Variants in MMP25 observed in about 807,000 individuals in gnomAD.
MMP25 encodes the protein matrix metallopeptidase 25.
In MMP25, 68 loss-of-function variants were observed where a neutral mutation model predicts 62.1. The ratio of observed to expected loss-of-function variants is 1.10; its 90% CI spans 0.90 to 1.34. The LOEUF (loss-of-function observed/expected upper bound fraction) is 1.34, where lower values mean the gene tolerates loss of function less well. Ranked by LOEUF, MMP25 falls within the 40% of genes most tolerant of loss-of-function variation. The probability of loss-of-function intolerance (pLI) is 0.00; values close to 1 mark genes in which losing one functional copy is unlikely to be tolerated. For synonymous variants in MMP25, 407 were observed against 345.6 expected (o/e 1.18, Z -1.97); for missense variants, 942 against 792.5 (o/e 1.19, Z -2.26).
rs748734163 is a variant in MMP25 at position 3,058,269 on chromosome 16, C to A, written c.1095C>A (p.Ala365=). 2.5e-6 allele frequency: 4 copies of A among 1,610,946 alleles called. No homozygotes were observed. Among genetic ancestry groups the A allele is most frequent in the Non-Finnish European group, 8.5e-7 (1 of 1,179,138 alleles). ...ACCGCTTCTGGGAGGGGCTGCCCGC[C>A]CAGGTGAGGGTGGTGCAGGCCGCCT... ...RLHRFWEGLP[A]QVRVVQAAYA... Residue 365 remains alanine (A), a synonymous_variant, in exon 8 of 10, where the codon GCC becomes GCA. Transcript: ENST00000336577.
intron 4 of MMP25, chr16:3,053,457 G>C (rs531186008): frequency 6.6e-6 from 1 of 152,428 alleles, no homozygotes; most frequent in African/African-American, 2.4e-5. Context: ...AATGCGAGGA[G>C]AACGGCGCCT....
chr16:3,055,904 G>C, intron 4 of MMP25: 1 of 455,694 alleles, frequency 2.2e-6, no homozygotes, highest in Non-Finnish European at 4.4e-6. Context: ...GCCGGGGCTG[G>C]CGTGTGAATC....
Position 3,050,434 on chromosome 16 carries a change from C to G in MMP25, c.549C>G (p.Tyr183Ter). ...CCCGCGCCTTCCACCAGGACAGCTA[C>G]CCCTTCGACGGGTTGGGGGGCACCC... ...DFARAFHQDS[Y>*]PFDGLGGTLA... The change falls in exon 4 of 10, where the codon TAC (tyrosine) becomes TAG (stop). Residue 183 changes from tyrosine (Y) to a stop codon, truncating the protein, a stop_gained. Transcript: ENST00000336577. LOFTEE classifies it high-confidence loss of function. The G allele has an allele frequency of 6.2e-7, 1 of 1,613,994 alleles. No homozygotes were observed. The highest frequency in any genetic ancestry group is 8.5e-7 in the Non-Finnish European group (1 of 1,179,988).
Position 3,046,865 on chromosome 16 carries a change from G to A in MMP25, c.-53G>A. 1.8e-6 allele frequency: 2 copies of A among 1,095,294 alleles called. No homozygotes were observed. The highest frequency in any genetic ancestry group is 2.4e-6 in the Non-Finnish European group (2 of 826,928). The allele number at this position is 1,095,294 out of a possible 1,614,324, so 67.8% of individuals were successfully genotyped here. ...TCTCCTCCCCCAGGTCCCCGGGGCG[G>A]CCCCAGCCAGGCCCCCTTCGAACCC... On this transcript the variant is annotated 5_prime_UTR_variant, in exon 1 of 10. Coordinates refer to ENST00000336577, the MANE Select transcript of MMP25 (RefSeq NM_022468.5).
chr16:3,049,186 C>CT (rs1359419225), intron 2 of MMP25, among the ~76,000 whole-genome samples: 1 of 151,624 alleles, frequency 6.6e-6, no homozygotes, highest in African/African-American at 2.4e-5. Flanking sequence ...CAGAAGACGG[C>CT]TGCGGAGTCC....
In MMP25 at chr16:3,046,799, C is replaced by G; in HGVS notation, c.-119C>G. 1 of 512,872 alleles carries G rather than the reference C, an allele frequency of 1.9e-6. No individual in the cohort carries two copies. Among genetic ancestry groups the G allele is most frequent in the South Asian group, 3.3e-5 (1 of 30,114 alleles). 31.8% of individuals were successfully genotyped at this position (512,872 alleles called of 1,614,324 possible). On this transcript the variant is annotated 5_prime_UTR_variant, in exon 1 of 10. Coordinates refer to ENST00000336577, the MANE Select transcript of MMP25 (RefSeq NM_022468.5). ...TCCCAGCCCTCCGGCCGATCCCTCC[C>G]TACTCGGTGCCGGGTGCCCCCCGCC...
chr16:3,055,538 C>G (rs371240280), intron 4 of MMP25, among the ~76,000 whole-genome samples: 1 of 152,202 alleles, frequency 6.6e-6, no homozygotes, highest in Non-Finnish European at 1.5e-5. Flanking sequence ...CTTGAAGTCT[C>G]TGTGCCTCAG....
intron 2 of MMP25, 29 bp from the exon 3 acceptor site, chr16:3,049,980 C>T: frequency 5.0e-6 from 8 of 1,605,182 alleles, no homozygotes; most frequent in Non-Finnish European, 6.8e-6. Context: ...ATTGTGGACA[C>T]ACCCCCCACC....
In MMP25 at chr16:3,057,049, C is replaced by G. The variant is rs757079699; in HGVS notation, c.678C>G (p.Asp226Glu). 3 of 1,589,826 alleles carry G rather than the reference C, an allele frequency of 1.9e-6. No individual in the cohort carries two copies. In the East Asian group the frequency reaches 6.7e-5, roughly 36 times the overall value. Reference sequence around the variant, plus strand: ...CTCCTGCAGACGGCGAGGGGACCGACCTGTTTGCCGTGGCTGTCCATGAGT... The same window carrying G: ...CTCCTGCAGACGGCGAGGGGACCGAGCTGTTTGCCGTGGCTGTCCATGAGT... ...TFGSKDGEGT[D>E]LFAVAVHEFG... The change falls in exon 5 of 10, where the codon GAC (aspartate) becomes GAG (glutamate). Residue 226 changes from aspartate (D) to glutamate (E), a missense_variant. Coordinates refer to ENST00000336577, the MANE Select transcript of MMP25 (RefSeq NM_022468.5).
rs1956019698 is a variant in MMP25, at chr16:3,056,953, C to T, written c.662-80C>T. ...GGTGTCCTGCTGTTCCTGTTGGCCCCAGCTGCACTCGCAGGGCCTTCCTGT... is the reference window on the plus strand; with the variant it reads ...GGTGTCCTGCTGTTCCTGTTGGCCCTAGCTGCACTCGCAGGGCCTTCCTGT... On this transcript the variant is annotated intron_variant, in intron 4 of 9. Coordinates refer to ENST00000336577, the MANE Select transcript of MMP25 (RefSeq NM_022468.5). 7 of 1,464,570 alleles carry T rather than the reference C, an allele frequency of 4.8e-6. 1 individual carries two copies. In the East Asian group the frequency reaches 1.4e-4, roughly 29 times the overall value. 90.7% of individuals were successfully genotyped at this position (1,464,570 alleles called of 1,614,324 possible).
chr16:3,050,941 C>G (rs931232695), intron 4 of MMP25, among the ~76,000 whole-genome samples: 1 of 151,884 alleles, frequency 6.6e-6, no homozygotes, highest in African/African-American at 2.4e-5. Context: ...CAGATGTGCA[C>G]CACCACACCT....
chr16:3,047,503 A>G lies in MMP25; in HGVS notation c.188A>G (p.Lys63Arg), dbSNP rs759236437. Residue 63 changes from lysine to arginine, a missense_variant, in exon 2 of 10, where the codon AAA (lysine) becomes AGA (arginine). By Grantham distance (26) the Lys-to-Arg change is conservative. Transcript: ENST00000336577. Reference sequence around the variant, plus strand: ...CCTGAGAAGTTGCGCGATGCCATCAAAGTCATGCAGAGGTTCGCGGGGCTG... The same window carrying G: ...CCTGAGAAGTTGCGCGATGCCATCAGAGTCATGCAGAGGTTCGCGGGGCTG... The part of the protein sequence containing the change: ...QSPEKLRDAI[K>R]VMQRFAGLPE... 6.2e-7 allele frequency: 1 copy of G among 1,613,870 alleles called. No individual in the cohort carries two copies. Among genetic ancestry groups the G allele is most frequent in the South Asian group, 1.1e-5 (1 of 91,070 alleles).
At position 3,059,765 on chromosome 16, in the gene MMP25, A is replaced by T. The variant is rs1407766173; in HGVS notation, c.*667A>T. The T allele has an allele frequency of 1.3e-5, 2 of 152,362 alleles. No individual in the cohort carries two copies. Among genetic ancestry groups the T allele is most frequent in the Non-Finnish European group, 2.9e-5 (2 of 68,282 alleles). 9.4% of individuals were successfully genotyped at this position (152,362 alleles called of 1,614,324 possible). On this transcript the variant is annotated 3_prime_UTR_variant, in exon 10 of 10. Transcript: ENST00000336577. ...GGACCCAGACCCGGAACCAGCCCAG[A>T]TATCACCCCTGAGGACCCATGCGCC...
chr16:3,060,642 TC>T lies in MMP25; in HGVS notation c.*1545del, dbSNP rs1247035214. ...GAAACGATTTGGGCCTCTGTCAGTT[TC>T]TTTTCCATGTATGAGGAGGGGGAAA... On this transcript the variant is annotated 3_prime_UTR_variant, in exon 10 of 10. Coordinates refer to ENST00000336577, the MANE Select transcript of MMP25 (RefSeq NM_022468.5). 6.6e-6 allele frequency: 1 copy of T among 152,232 alleles called. No individual in the cohort carries two copies. The highest frequency in any genetic ancestry group is 2.4e-5 in the African/African-American group (1 of 41,460). 9.4% of individuals were successfully genotyped at this position (152,232 alleles called of 1,614,324 possible). A position where few individuals can be genotyped will look rare whatever the true frequency, so the allele number is the denominator to read the frequency against.
At chr16:3,055,259 C>T (rs1480181457) in intron 4 of MMP25, among the ~76,000 whole-genome samples, 1 of 152,086 alleles carries the variant, frequency 6.6e-6, no homozygotes, top group Non-Finnish European at 1.5e-5. Flanking sequence ...CCCCCAGATG[C>T]ATGGCGTGAC....
intron 4 of MMP25, 183 bp from the exon 5 acceptor site, chr16:3,056,850 C>G: frequency 1.7e-6 from 1 of 586,638 alleles, no homozygotes. Context: ...CACAGCCATG[C>G]TGACTGAGTG....
intron 4 of MMP25, chr16:3,056,110 G>A (rs548506212): frequency 3.3e-6 from 1 of 302,170 alleles, no homozygotes; most frequent in Non-Finnish European, 6.7e-6. Context: ...GCTGTGAACA[G>A]GGAGATGGGG....
chr16:3,057,246 C>T (rs757566845), intron 5 of MMP25, 37 bp downstream of exon 5: 2 of 1,613,838 alleles, frequency 1.2e-6, no homozygotes, highest in South Asian at 1.1e-5. Context: ...ACCATCATTG[C>T]CCCATCCAGT....
Position 3,058,482 on chromosome 16 carries a change from G to C in MMP25, c.1230G>C (p.Leu410=), listed in dbSNP as rs769534338. ...GGARPLTELG[L]PPGEEVDAVF... is the part of the protein sequence containing the mutation. Reference sequence around the variant, plus strand: ...CGCGGCCGCTCACGGAGCTGGGGCTGCCCCCGGGAGAGGAGGTGGACGCCG... The same window carrying C: ...CGCGGCCGCTCACGGAGCTGGGGCTCCCCCCGGGAGAGGAGGTGGACGCCG... Residue 410 remains leucine, a synonymous_variant, in exon 9 of 10, where the codon CTG becomes CTC. Transcript: ENST00000336577. The C allele has an allele frequency of 5.6e-6, 9 of 1,606,510 alleles. No homozygotes were observed. The highest frequency in any genetic ancestry group is 8.5e-7 in the Non-Finnish European group (1 of 1,177,684).
Sources: allele counts gnomAD v4.1 joint callset (sites outside exome capture counted in the v4.1 genomes callset), GRCh38; gene constraint gnomAD v4.1.1; transcripts MANE v1.5; gene names NCBI Gene and HGNC (gene_info 2026-07-23, HGNC 2026-07-21).